TNFSF15: variants seen among roughly 807,000 people sequenced by gnomAD.
TNFSF15 encodes tumor necrosis factor ligand superfamily member 15.
In TNFSF15, 15 loss-of-function variants were observed where a neutral mutation model predicts 26.4. That is an observed-to-expected ratio of 0.57 (90% CI 0.38 to 0.87). The LOEUF is 0.87. TNFSF15 is among the 40% of genes least tolerant of loss of function. The probability of loss-of-function intolerance (pLI) is 0.00; values close to 1 mark genes in which losing one functional copy is unlikely to be tolerated. For synonymous variants in TNFSF15, 116 were observed against 115.0 expected (o/e 1.01, Z -0.06); for missense variants, 290 against 306.1 (o/e 0.95, Z 0.39).
At position 114,789,182 on chromosome 9, in the gene TNFSF15, G is replaced by C. The variant is rs545367029; in HGVS notation, c.*1270C>G. The C allele has an allele frequency of 2.6e-5, 4 of 152,166 alleles. No homozygotes were observed. The highest frequency in any genetic ancestry group is 5.9e-5 in the Non-Finnish European group (4 of 68,028). 9.4% of individuals were successfully genotyped at this position (152,166 alleles called of 1,614,324 possible). A position where few individuals can be genotyped will look rare whatever the true frequency, so the allele number is the denominator to read the frequency against. On this transcript the variant is annotated 3_prime_UTR_variant, in exon 4 of 4. Transcript: ENST00000374045. ...AGTTGATCTAGTTAACCAGGTATCT[G>C]TCTTCAGGTTTCTTCAGGGAACTAA...
At chr9:114,800,136 G>A (rs1829726290) in intron 1 of TNFSF15, among the ~76,000 whole-genome samples, 1 of 152,228 alleles carries the variant, frequency 6.6e-6, no homozygotes, top group South Asian at 2.1e-4. Context: ...AGTGGGGAGG[G>A]GGAGGGGGAG....
At chr9:114,799,324 TA>T (rs1266406463) in intron 1 of TNFSF15, among the ~76,000 whole-genome samples, 2 of 152,224 alleles carry the variant, frequency 1.3e-5, no homozygotes, top group African/African-American at 4.8e-5. Flanking sequence ...AAAGGCCACA[TA>T]TATAAGGTTC....
Position 114,784,824 on chromosome 9 carries a change from T to C in TNFSF15, c.*5628A>G, listed in dbSNP as rs1829470047. The C allele has an allele frequency of 1.3e-5, 2 of 152,210 alleles. No homozygotes were observed. The allele number at this position is 152,210 out of a possible 1,614,324, so 9.4% of individuals were successfully genotyped here. ...ATGCATTTTACCTTGCGGTTGATGT[T>C]TTAACATAAAACATAAAATCAATGA... is the stretch of plus-strand genomic sequence containing the variant. On this transcript the variant is annotated 3_prime_UTR_variant, in exon 4 of 4. Transcript: ENST00000374045.
At position 114,788,063 on chromosome 9, in the gene TNFSF15, T is replaced by C. The variant is rs1260664228; in HGVS notation, c.*2389A>G. The C allele has an allele frequency of 1.3e-5, 2 of 153,752 alleles. No homozygotes were observed. Among genetic ancestry groups the C allele is most frequent in the African/African-American group, 4.8e-5 (2 of 41,450 alleles). The allele number at this position is 153,752 out of a possible 1,614,324, so 9.5% of individuals were successfully genotyped here. A position where few individuals can be genotyped will look rare whatever the true frequency, so the allele number is the denominator to read the frequency against. ...GAAGACCGGTTCAGAAAGAACATTT[T>C]ATGTTTTTAATGGGTGTTAGTTCTG... On this transcript the variant is annotated 3_prime_UTR_variant, in exon 4 of 4. Coordinates refer to ENST00000374045, the MANE Select transcript of TNFSF15 (RefSeq NM_005118.4).
chr9:114,790,827 GA>G lies in TNFSF15; in HGVS notation c.380del (p.Phe127SerfsTer6). The G allele has an allele frequency of 6.2e-7, 1 of 1,614,176 alleles. No individual in the cohort carries two copies. The highest frequency in any genetic ancestry group is 8.5e-7 in the Non-Finnish European group (1 of 1,180,034). On this transcript the variant is annotated frameshift_variant, in exon 4 of 4. Transcript: ENST00000374045. LOFTEE classifies it high-confidence loss of function. ...TGGTATAGTTCATTCGGTTCTTGGT[GA>G]AGGCCAGGCCTAGTTCATGTTCCCA... is the stretch of plus-strand genomic sequence containing the variant. ...LHWEHELGLA[F>X]TKNRMNYTNK...
chr9:114,795,285 C>T (rs889994340), intron 1 of TNFSF15, among the ~76,000 whole-genome samples: 1 of 152,212 alleles, frequency 6.6e-6, no homozygotes, highest in African/African-American at 2.4e-5. Flanking sequence ...GCTACACAGT[C>T]TCCTCTAATA....
At chr9:114,792,292 TA>T (rs1829614182) in intron 3 of TNFSF15, 114 bp downstream of exon 3, 1 of 1,276,926 alleles carries the variant, frequency 7.8e-7, no homozygotes, top group Non-Finnish European at 1.1e-6. Flanking sequence ...AGGAGTCTCT[TA>T]CCAAGGAATG....
At chr9:114,792,673 A>G (rs1290810870) in intron 2 of TNFSF15, 25 of 1,160,246 alleles carry the variant, frequency 2.2e-5, no homozygotes, top group Non-Finnish European at 2.9e-5. Context: ...TTGAACACAA[A>G]TGAATCTTGG....
intron 1 of TNFSF15, among the ~76,000 whole-genome samples, chr9:114,794,626 A>C (rs1829652901): frequency 6.6e-6 from 1 of 152,226 alleles, no homozygotes; most frequent in Admixed American, 6.5e-5. Flanking sequence ...TCTGATCCAT[A>C]TCTCTATCAA....
In TNFSF15 at chr9:114,785,621, A is replaced by G. The variant is rs1829488450; in HGVS notation, c.*4831T>C. On this transcript the variant is annotated 3_prime_UTR_variant, in exon 4 of 4. Transcript: ENST00000374045. ...GTATCTCCAGGGACTGAGAAATAGC[A>G]TCCTAGAAAAATTCTATTTTGGAGT... is the stretch of plus-strand genomic sequence containing the variant. 3 of 152,236 alleles carry G rather than the reference A, an allele frequency of 2.0e-5. No individual in the cohort carries two copies. In the South Asian group the frequency reaches 6.2e-4, roughly 32 times the overall value. 9.4% of individuals were successfully genotyped at this position (152,236 alleles called of 1,614,324 possible). A position where few individuals can be genotyped will look rare whatever the true frequency, so the allele number is the denominator to read the frequency against.
rs1457972481 is a variant in TNFSF15 at position 114,788,436 on chromosome 9, T to G, written c.*2016A>C. The G allele has an allele frequency of 6.5e-6, 1 of 153,368 alleles. No homozygotes were observed. The highest frequency in any genetic ancestry group is 2.4e-5 in the African/African-American group (1 of 41,462). 9.5% of individuals were successfully genotyped at this position (153,368 alleles called of 1,614,324 possible). ...TGGCTTAAGTTAGCCTAGCAGAGGT[T>G]AGAAAATATATTTAGAGCCTTAACC... On this transcript the variant is annotated 3_prime_UTR_variant, in exon 4 of 4. Coordinates refer to ENST00000374045, the MANE Select transcript of TNFSF15 (RefSeq NM_005118.4).
At chr9:114,800,925 G>A (rs1308578387) in intron 1 of TNFSF15, among the ~76,000 whole-genome samples, 1 of 152,196 alleles carries the variant, frequency 6.6e-6, no homozygotes, top group African/African-American at 2.4e-5. Flanking sequence ...GAGACCAGGA[G>A]GCCTCAGCAG....
chr9:114,801,304 A>T (rs188227773), intron 1 of TNFSF15, among the ~76,000 whole-genome samples: 34 of 152,276 alleles, frequency 2.2e-4, no homozygotes, highest in Non-Finnish European at 1.2e-4. Context: ...GGGCAGTGGA[A>T]GATACTGTAG....
intron 1 of TNFSF15, among the ~76,000 whole-genome samples, chr9:114,797,533 T>C (rs887076248): frequency 2.0e-5 from 3 of 152,188 alleles, no homozygotes; most frequent in Admixed American, 6.5e-5. Context: ...GAGGAAGAAA[T>C]TTGAGAGGAT....
Position 114,790,391 on chromosome 9 carries a change from A to T in TNFSF15, c.*61T>A, listed in dbSNP as rs866690943. ...AAACCCCTGGTTATAATTACATTTG[A>T]ACAAAGAAAATTAGGAACTCGGTGG... On this transcript the variant is annotated 3_prime_UTR_variant, in exon 4 of 4. Transcript: ENST00000374045. 1.2e-4 allele frequency: 185 copies of T among 1,482,744 alleles called. 3 individuals are homozygous for T. The Middle Eastern group carries it at 0.011, about 85-fold the overall frequency. The allele number at this position is 1,482,744 out of a possible 1,614,324, so 91.8% of individuals were successfully genotyped here.
At chr9:114,798,789 G>A (rs1420689368) in intron 1 of TNFSF15, among the ~76,000 whole-genome samples, 1 of 152,102 alleles carries the variant, frequency 6.6e-6, no homozygotes, top group East Asian at 1.9e-4. Flanking sequence ...GAGATTTCCT[G>A]GCATTTCCCC....
rs1356249504 is a variant in TNFSF15, at chr9:114,786,184, G to A, written c.*4268C>T. ...CAAAAATGTTAATATCCAGGATAAG[G>A]ATGTACACTTGAAAATTCTGCTACA... On this transcript the variant is annotated 3_prime_UTR_variant, in exon 4 of 4. Transcript: ENST00000374045. 1 of 152,212 alleles carries A rather than the reference G, an allele frequency of 6.6e-6. No individual in the cohort carries two copies. The highest frequency in any genetic ancestry group is 6.5e-5 in the Admixed American group (1 of 15,286). 9.4% of individuals were successfully genotyped at this position (152,212 alleles called of 1,614,324 possible).
chr9:114,795,058 A>G (rs1255552104), intron 1 of TNFSF15, among the ~76,000 whole-genome samples: 1 of 152,214 alleles, frequency 6.6e-6, no homozygotes, highest in Non-Finnish European at 1.5e-5. Context: ...TTCCCAACAC[A>G]TAGAAATGAT....
Position 114,785,152 on chromosome 9 carries a change from G to T in TNFSF15, c.*5300C>A, listed in dbSNP as rs1401271884. The T allele has an allele frequency of 6.6e-6, 1 of 152,200 alleles. No individual in the cohort carries two copies. The highest frequency in any genetic ancestry group is 6.5e-5 in the Admixed American group (1 of 15,284). The allele number at this position is 152,200 out of a possible 1,614,324, so 9.4% of individuals were successfully genotyped here. On this transcript the variant is annotated 3_prime_UTR_variant, in exon 4 of 4. Transcript: ENST00000374045. ...TACGAATGAAGTTGAAAGACTGCTG[G>T]GCTTATTGTTAAGATATCTAAATTC...
Sources: allele counts gnomAD v4.1 joint callset (sites outside exome capture counted in the v4.1 genomes callset), GRCh38; gene constraint gnomAD v4.1.1; transcripts MANE v1.5; gene names NCBI Gene and HGNC (gene_info 2026-07-23, HGNC 2026-07-21).